Variants in CACHD1 observed in about 807,000 individuals in gnomAD.
The protein encoded by CACHD1 is cache domain containing 1.
A neutral mutation model predicts 138.7 loss-of-function variants in CACHD1; 71 were observed. The observed-to-expected ratio is 0.51, with a 90% CI of 0.42 to 0.62. The LOEUF is 0.62. Ranked by LOEUF, CACHD1 falls within the 20% of genes least tolerant of loss-of-function variation. CACHD1 has a pLI of 0.00. For missense variants in CACHD1, 1,389 were observed against 1,625.3 expected, an observed-to-expected ratio of 0.85 and a Z score of 2.50; for synonymous variants, 578 against 591.5, an observed-to-expected ratio of 0.98 and a Z score of 0.33.
At chr1:64,679,476 C>A in intron 23 of CACHD1, 119 bp from the exon 24 acceptor site, 1 of 1,064,294 alleles carries the variant, frequency 9.4e-7, no homozygotes, top group Non-Finnish European at 1.4e-6. Flanking sequence ...CCTAACTAAG[C>A]ATCTGTTTAT....
At position 64,666,254 on chromosome 1, in the gene CACHD1, C is replaced by T; in HGVS notation, c.2387+87C>T. 5 of 744,368 alleles carry T rather than the reference C, an allele frequency of 6.7e-6. No homozygotes were observed. In the South Asian group the frequency reaches 7.8e-5, roughly 12 times the overall value. The allele number at this position is 744,368 out of a possible 1,614,324, so 46.1% of individuals were successfully genotyped here. A position where few individuals can be genotyped will look rare whatever the true frequency, so the allele number is the denominator to read the frequency against. On this transcript the variant is annotated intron_variant, in intron 16 of 26. Coordinates refer to ENST00000651257, the MANE Select transcript of CACHD1 (RefSeq NM_020925.4). ...GAATAGAAGAGTACGCGCACCAAGG[C>T]TTAGAGGCAGAAGCATGACCTTTAA... is the stretch of plus-strand genomic sequence containing the variant.
In CACHD1 at chr1:64,679,464, A is replaced by G. The variant is rs948528420; in HGVS notation, c.3245-131A>G. On this transcript the variant is annotated intron_variant, in intron 23 of 26. Transcript: ENST00000651257. The stretch of plus-strand genomic sequence containing the variant: ...CATGCGTCATGTTTGAGGAACTCAA[A>G]GCCTAACTAAGCATCTGTTTATCTT... The G allele has an allele frequency of 1.6e-5, 16 of 972,560 alleles. No homozygotes were observed. The African/African-American group carries it at 2.1e-4, about 13-fold the overall frequency. The allele number at this position is 972,560 out of a possible 1,614,324, so 60.2% of individuals were successfully genotyped here. A position where few individuals can be genotyped will look rare whatever the true frequency, so the allele number is the denominator to read the frequency against.
chr1:64,478,129 A>G (rs569603163), intron 1 of CACHD1, among the ~76,000 whole-genome samples: 15 of 152,304 alleles, frequency 9.8e-5, no homozygotes, highest in African/African-American at 3.6e-4. Context: ...TTTTTTAACA[A>G]TGATGTGCCT....
intron 26 of CACHD1, among the ~76,000 whole-genome samples, chr1:64,688,359 G>C (rs1472279707): frequency 6.6e-6 from 1 of 152,120 alleles, no homozygotes; most frequent in African/African-American, 2.4e-5. Context: ...TAACACTCCA[G>C]ACTTAGCACT....
intron 2 of CACHD1, among the ~76,000 whole-genome samples, chr1:64,568,545 C>G (rs539431447): frequency 2.0e-5 from 3 of 152,280 alleles, no homozygotes; most frequent in East Asian, 1.9e-4. Context: ...CCCCACCCCC[C>G]ATTTGGGATT....
chr1:64,513,031 A>G (rs1214869484), intron 1 of CACHD1, among the ~76,000 whole-genome samples: 1 of 152,192 alleles, frequency 6.6e-6, no homozygotes, highest in Non-Finnish European at 1.5e-5. Context: ...GCCTGCCACC[A>G]GAGTCCAAAT....
At chr1:64,684,794 C>CTTTTTTG (rs567310511) in intron 26 of CACHD1, among the ~76,000 whole-genome samples, 11 of 151,956 alleles carry the variant, frequency 7.2e-5, no homozygotes, top group African/African-American at 1.5e-4. Context: ...ATAGGTGTAC[C>CTTTTTTG]TTTTTTGTTT....
chr1:64,544,956 A>G (rs755985891), intron 1 of CACHD1, among the ~76,000 whole-genome samples: 34 of 152,238 alleles, frequency 2.2e-4, no homozygotes, highest in Non-Finnish European at 4.3e-4. Flanking sequence ...GAGCAATTAA[A>G]ATGTAGCCTC....
chr1:64,572,166 G>A (rs1401233231), intron 2 of CACHD1, among the ~76,000 whole-genome samples: 1 of 152,134 alleles, frequency 6.6e-6, no homozygotes, highest in East Asian at 1.9e-4. Flanking sequence ...TACACAAAAA[G>A]TTGTGACGTA....
rs144403336 is a variant in CACHD1 at position 64,481,077 on chromosome 1, T to A, written c.198+10135T>A. On this transcript the variant is annotated intron_variant, in intron 1 of 26. Transcript: ENST00000651257. Reference sequence around the variant, plus strand: ...AAATGATTTCAGAGTTAATTACAGTTTGAAAAGTTCCAACACCTAAACACC... The same window carrying A: ...AAATGATTTCAGAGTTAATTACAGTATGAAAAGTTCCAACACCTAAACACC... Among the ~76,000 whole-genome samples, 366 of 152,306 alleles carry A rather than the reference T, an allele frequency of 2.4e-3. 1 individual carries two copies. The highest frequency in any genetic ancestry group is 6.8e-3 in the Middle Eastern group (2 of 294).
rs185476267 is a variant in CACHD1 at position 64,545,266 on chromosome 1, A to T, written c.199-5328A>T. Among the ~76,000 whole-genome samples, 5 of 152,352 alleles carry T rather than the reference A, an allele frequency of 3.3e-5. No individual in the cohort carries two copies. The East Asian group carries it at 9.6e-4, about 29-fold the overall frequency. On this transcript the variant is annotated intron_variant, in intron 1 of 26. Transcript: ENST00000651257. ...ATACAGAAGAATGCACAAAGTGTACATCTTGATGAATTCTCACAAAAGTGA... is the reference window on the plus strand; with the variant it reads ...ATACAGAAGAATGCACAAAGTGTACTTCTTGATGAATTCTCACAAAAGTGA...
At chr1:64,608,930 GT>G (rs947206122) in intron 4 of CACHD1, among the ~76,000 whole-genome samples, 1 of 152,190 alleles carries the variant, frequency 6.6e-6, no homozygotes, top group Non-Finnish European at 1.5e-5. Flanking sequence ...AAGAAAAAGC[GT>G]CTGGACTTTC....
At chr1:64,668,747 A>G (rs940191801) in intron 16 of CACHD1, among the ~76,000 whole-genome samples, 1 of 152,196 alleles carries the variant, frequency 6.6e-6, no homozygotes, top group African/African-American at 2.4e-5. Flanking sequence ...TTTGCTTAGC[A>G]GAGTGTGATT....
chr1:64,690,041 G>T (rs1205817674), intron 26 of CACHD1, among the ~76,000 whole-genome samples: 1 of 152,124 alleles, frequency 6.6e-6, no homozygotes, highest in African/African-American at 2.4e-5. Flanking sequence ...CCCCATAATG[G>T]TCTCCAATAA....
chr1:64,483,737 A>T (rs1646224872), intron 1 of CACHD1, among the ~76,000 whole-genome samples: 2 of 150,250 alleles, frequency 1.3e-5, no homozygotes, highest in African/African-American at 4.9e-5. Flanking sequence ...TGCAAGTCAG[A>T]TGTCATACCT....
rs141931796 is a variant in CACHD1, at chr1:64,514,543, G to C, written c.199-36051G>C. 9.1e-3 allele frequency among the ~76,000 whole-genome samples: 1,388 copies of C among 152,278 alleles called. 26 individuals are homozygous for C. The highest frequency in any genetic ancestry group is 0.032 in the African/African-American group (1,325 of 41,548). On this transcript the variant is annotated intron_variant, in intron 1 of 26. Transcript: ENST00000651257. ...GTTTTGAAAAACTGAACTGGGCAGT[G>C]GGGGAGGAATGCAGTTGTAGGCAGC...
At chr1:64,612,481 G>A (rs575072325) in intron 4 of CACHD1, among the ~76,000 whole-genome samples, 1 of 152,114 alleles carries the variant, frequency 6.6e-6, no homozygotes, top group South Asian at 2.1e-4. Flanking sequence ...ATTTTATAAT[G>A]AGTATGTAAG....
chr1:64,472,746 A>C (rs528041423), intron 1 of CACHD1, among the ~76,000 whole-genome samples: 1 of 152,322 alleles, frequency 6.6e-6, no homozygotes, highest in African/African-American at 2.4e-5. Flanking sequence ...TCTTTTAATA[A>C]AGGAAACTTA....
chr1:64,604,473 T>C (rs1647277891), intron 4 of CACHD1, among the ~76,000 whole-genome samples: 2 of 152,190 alleles, frequency 1.3e-5, no homozygotes, highest in African/African-American at 4.8e-5. Flanking sequence ...AGTCTCCAGG[T>C]TCCCAAATTC....
Sources: allele counts gnomAD v4.1 joint callset (sites outside exome capture counted in the v4.1 genomes callset), GRCh38; gene constraint gnomAD v4.1.1; transcripts MANE v1.5; gene names NCBI Gene and HGNC (gene_info 2026-07-23, HGNC 2026-07-21).